The following CCDC12 variants were observed in gnomAD, a reference collection of about 807,000 sequenced individuals.
CCDC12 encodes coiled-coil domain-containing protein 12.
CCDC12 carries 28 observed loss-of-function variants against 25.7 expected under a neutral mutation model. That is an observed-to-expected ratio of 1.09 (90% CI 0.81 to 1.50). The LOEUF is 1.50. Ranked by LOEUF, CCDC12 falls within the 40% of genes most tolerant of loss-of-function variation. CCDC12 has a pLI of 0.00. For synonymous variants in CCDC12, 75 were observed against 87.7 expected (o/e 0.86, Z 0.81); for missense variants, 198 against 210.0 (o/e 0.94, Z 0.35).
upstream of CCDC12, among the ~76,000 whole-genome samples, chr3:46,981,241 G>A (rs1019117225): frequency 6.6e-6 from 1 of 152,126 alleles, no homozygotes; most frequent in Non-Finnish European, 1.5e-5. Context: ...TCAGGAGATC[G>A]AGACCATCCT....
chr3:46,962,900 T>C (rs1412669440), intron 1 of CCDC12, among the ~76,000 whole-genome samples: 1 of 152,004 alleles, frequency 6.6e-6, no homozygotes, highest in African/African-American at 2.4e-5. Context: ...CACCAAGACA[T>C]GTACAAGACT....
At chr3:46,980,106 T>G (rs1456899365), upstream of CCDC12, among the ~76,000 whole-genome samples, 1 of 152,094 alleles carries the variant, frequency 6.6e-6, no homozygotes, top group East Asian at 1.9e-4. Context: ...CTGGCACTTA[T>G]GCCTTGGGGA....
intron 2 of CCDC12, among the ~76,000 whole-genome samples, chr3:46,928,985 G>A (rs1439678092): frequency 6.6e-6 from 1 of 151,772 alleles, no homozygotes; most frequent in African/African-American, 2.4e-5. Context: ...GCAAGACCCT[G>A]TCTCAAAAAA....
At chr3:46,964,532 T>C (rs1333345136) in intron 1 of CCDC12, among the ~76,000 whole-genome samples, 9 of 152,202 alleles carry the variant, frequency 5.9e-5, no homozygotes, top group African/African-American at 1.4e-4. Context: ...GGGGAAAAGA[T>C]TGAGAAATCG....
At chr3:46,943,424 G>A (rs2033790809) in intron 1 of CCDC12, among the ~76,000 whole-genome samples, 1 of 152,192 alleles carries the variant, frequency 6.6e-6, no homozygotes, top group Non-Finnish European at 1.5e-5. Context: ...CCTGGGTAAG[G>A]GCAGAGAAGG....
intron 2 of CCDC12, chr3:46,940,792 G>GA (rs1167563011): frequency 8.4e-6 from 5 of 595,224 alleles, no homozygotes; most frequent in African/African-American, 1.8e-5. Flanking sequence ...CAGCCAAATG[G>GA]AAAATGAGGG....
chr3:46,953,253 C>G (rs1470995095), intron 1 of CCDC12, among the ~76,000 whole-genome samples: 1 of 152,104 alleles, frequency 6.6e-6, no homozygotes, highest in Non-Finnish European at 1.5e-5. Context: ...CACAGTTATG[C>G]AGGCCAGCAT....
chr3:46,952,201 G>A (rs992041484), intron 1 of CCDC12, among the ~76,000 whole-genome samples: 8 of 152,128 alleles, frequency 5.3e-5, no homozygotes, highest in Middle Eastern at 3.2e-3. Flanking sequence ...TGGACCAATA[G>A]TAAAGGAACC....
At position 46,975,247 on chromosome 3, in the gene CCDC12, G is replaced by A. The variant is rs142231331; in HGVS notation, c.96+1390C>T. ...GTAACCTAGGCTGGAGTGCAGTGGCGCGATCTCGGCTCACTGCAACCTTTG... is the reference window on the plus strand; with the variant it reads ...GTAACCTAGGCTGGAGTGCAGTGGCACGATCTCGGCTCACTGCAACCTTTG... On this transcript the variant is annotated intron_variant, in intron 1 of 6. Transcript: ENST00000683445. 5.1e-3 allele frequency among the ~76,000 whole-genome samples: 751 copies of A among 148,600 alleles called. 8 individuals are homozygous for A. Among genetic ancestry groups the A allele is most frequent in the African/African-American group, 0.018 (708 of 40,202 alleles).
intron 1 of CCDC12, among the ~76,000 whole-genome samples, chr3:46,945,978 T>A (rs1445274790): frequency 6.6e-6 from 1 of 152,222 alleles, no homozygotes; most frequent in East Asian, 1.9e-4. Context: ...CACCTCTCTC[T>A]GGAAGGATCC....
rs568014782 is a variant in CCDC12 at position 46,922,454 on chromosome 3, A to G, written c.342-142T>C. 14 of 829,132 alleles carry G rather than the reference A, an allele frequency of 1.7e-5. No homozygotes were observed. The South Asian group carries it at 2.1e-4, about 12-fold the overall frequency. 51.4% of individuals were successfully genotyped at this position (829,132 alleles called of 1,614,324 possible). A position where few individuals can be genotyped will look rare whatever the true frequency, so the allele number is the denominator to read the frequency against. The stretch of plus-strand genomic sequence containing the variant: ...GCTGCCCTGGGGAAGAGGCCAGGAC[A>G]TTCCCCTTCTGTACCCTCCGAAACC... On this transcript the variant is annotated intron_variant, in intron 5 of 6. Coordinates refer to ENST00000683445, the MANE Select transcript of CCDC12 (RefSeq NM_001277074.2).
intron 1 of CCDC12, among the ~76,000 whole-genome samples, chr3:46,963,096 C>T (rs1575560889): frequency 1.3e-5 from 2 of 152,174 alleles, no homozygotes; most frequent in East Asian, 3.9e-4. Context: ...CTGTTTAATT[C>T]CATTTATATA....
intron 1 of CCDC12, among the ~76,000 whole-genome samples, chr3:46,967,426 C>T (rs2034674179): frequency 6.6e-6 from 1 of 152,142 alleles, no homozygotes. Flanking sequence ...CCTTCCATAC[C>T]TCCCACTGTT....
chr3:46,932,308 C>T (rs1205296885), intron 2 of CCDC12, among the ~76,000 whole-genome samples: 1 of 152,190 alleles, frequency 6.6e-6, no homozygotes, highest in Admixed American at 6.5e-5. Flanking sequence ...CTAGAGTGGC[C>T]TAAAGTACCA....
rs115122631 is a variant in CCDC12 at position 46,952,297 on chromosome 3, G to A, written c.97-11232C>T. 5.8e-3 allele frequency among the ~76,000 whole-genome samples: 890 copies of A among 152,218 alleles called. 11 individuals carry two copies. The highest frequency in any genetic ancestry group is 0.021 in the African/African-American group (866 of 41,540). The stretch of plus-strand genomic sequence containing the variant: ...GCCTTCCAACAGCACCCACGTATTC[G>A]GTTATCACTAGCCTTGTTGCACAGA... On this transcript the variant is annotated intron_variant, in intron 1 of 6. Coordinates refer to ENST00000683445, the MANE Select transcript of CCDC12 (RefSeq NM_001277074.2).
intron 1 of CCDC12, among the ~76,000 whole-genome samples, chr3:46,971,309 A>G (rs2034796279): frequency 6.6e-6 from 1 of 152,218 alleles, no homozygotes; most frequent in Non-Finnish European, 1.5e-5. Flanking sequence ...CTGACCTACA[A>G]GATGCTGCTT....
chr3:46,964,053 C>T (rs1170185844), intron 1 of CCDC12, among the ~76,000 whole-genome samples: 2 of 151,602 alleles, frequency 1.3e-5, no homozygotes, highest in Non-Finnish European at 2.9e-5. Flanking sequence ...ATGTGGGGAG[C>T]GCCTTTGCCC....
At position 46,922,278 on chromosome 3, in the gene CCDC12, T is replaced by C. The variant is rs1462458949; in HGVS notation, c.376A>G (p.Lys126Glu). 2.5e-6 allele frequency: 4 copies of C among 1,614,238 alleles called. 1 individual carries two copies. The Admixed American group carries it at 6.7e-5, about 27-fold the overall frequency. Residue 126 changes from lysine (K) to glutamate (E), a missense_variant, in exon 6 of 7, where the codon AAA (lysine) becomes GAA (glutamate). Coordinates refer to ENST00000683445, the MANE Select transcript of CCDC12 (RefSeq NM_001277074.2). ...LKRDVAKKLE[K>E]LKKRTQRAIA... ...GCCCTCTGAGTCCGCTTTTTTAGTT[T>C]CTCCAGCTTCTTGGCCACATCTCTC...
At chr3:46,928,893 A>T (rs1162196940) in intron 2 of CCDC12, among the ~76,000 whole-genome samples, 1 of 152,188 alleles carries the variant, frequency 6.6e-6, no homozygotes, top group African/African-American at 2.4e-5. Context: ...TTCGGAGGCT[A>T]AGGCAAGAGG....
Sources: allele counts gnomAD v4.1 joint callset (sites outside exome capture counted in the v4.1 genomes callset), GRCh38; gene constraint gnomAD v4.1.1; transcripts MANE v1.5; gene names NCBI Gene and HGNC (gene_info 2026-07-23, HGNC 2026-07-21).